GPR132: variants seen among roughly 807,000 people sequenced by gnomAD.
GPR132 encodes the protein probable G protein-coupled receptor 132.
Under a neutral mutation model 1.9 loss-of-function variants are expected in GPR132, and 4 were observed. That is an observed-to-expected ratio of 2.13 (90% CI 1.05 to 4.87). The LOEUF is 4.87. Ranked by LOEUF, GPR132 falls within the 30% of genes most tolerant of loss-of-function variation. The probability of loss-of-function intolerance (pLI) is 0.01; values close to 1 mark genes in which losing one functional copy is unlikely to be tolerated. For missense variants in GPR132, 404 were observed against 512.5 expected (o/e 0.79, Z 2.04); for synonymous variants, 233 against 234.2 (o/e 0.99, Z 0.05).
chr14:105,058,765 G>A (rs1311362615), intron 1 of GPR132, among the ~76,000 whole-genome samples: 2 of 152,258 alleles, frequency 1.3e-5, no homozygotes, highest in East Asian at 1.9e-4. Flanking sequence ...GGGCATGCAG[G>A]GGGGTGGCGC....
chr14:105,065,093 C>G (rs1887050559), intron 1 of GPR132, among the ~76,000 whole-genome samples: 1 of 152,116 alleles, frequency 6.6e-6, no homozygotes, highest in South Asian at 2.1e-4. Flanking sequence ...GAAGCCTTTT[C>G]CAGAAGAAAG....
chr14:105,056,072 C>T lies in GPR132; in HGVS notation c.-652G>A. On this transcript the variant is annotated 5_prime_UTR_variant, in exon 3 of 4. Coordinates refer to ENST00000329797, the MANE Select transcript of GPR132 (RefSeq NM_013345.4). The surrounding 1 kb of genome is among the most constrained non-coding windows in gnomAD (Gnocchi z 6.0). ...ACGGTGGTGGCGCTGGCCCACCTTC[C>T]CCCGGCGGTGTGCAGGGCTCCGGTC... 2.2e-6 allele frequency: 2 copies of T among 912,742 alleles called. No homozygotes were observed. The highest frequency in any genetic ancestry group is 2.6e-6 in the Non-Finnish European group (2 of 763,134). The allele number at this position is 912,742 out of a possible 1,614,324, so 56.5% of individuals were successfully genotyped here.
chr14:105,057,526 T>G (rs1448622262), intron 1 of GPR132: 1 of 223,724 alleles, frequency 4.5e-6, no homozygotes, highest in Non-Finnish European at 8.6e-6. Flanking sequence ...TTTTTTTTTT[T>G]TTTTTTTTTC....
In GPR132 at chr14:105,055,431, C is replaced by T. The variant is rs1257417494; in HGVS notation, c.-11G>A. 12 of 780,608 alleles carry T rather than the reference C, an allele frequency of 1.5e-5. No individual in the cohort carries two copies. Among genetic ancestry groups the T allele is most frequent in the East Asian group, 2.4e-5 (1 of 41,256 alleles). 48.4% of individuals were successfully genotyped at this position (780,608 alleles called of 1,614,324 possible). A position where few individuals can be genotyped will look rare whatever the true frequency, so the allele number is the denominator to read the frequency against. ...TAGCATTGGGCACATTCACATTCTT[C>T]TGCAACCATCGCCAGCATCCGTCGG... On this transcript the variant is annotated 5_prime_UTR_variant, in exon 3 of 4. Coordinates refer to ENST00000329797, the MANE Select transcript of GPR132 (RefSeq NM_013345.4). This position sits in a 1 kb window ranked among gnomAD's most constrained non-coding sequence, Gnocchi z 4.7.
chr14:105,061,616 CG>C (rs1886945094), intron 1 of GPR132, among the ~76,000 whole-genome samples: 1 of 152,074 alleles, frequency 6.6e-6, no homozygotes, highest in Admixed American at 6.5e-5. Flanking sequence ...TGCTCTTCCT[CG>C]GGGAGGGTGC....
rs952311641 is a variant in GPR132, at chr14:105,055,441, C to T, written c.-21G>A. ...CACATTCACATTCTTCTGCAACCAT[C>T]GCCAGCATCCGTCGGCAGAACCTTC... On this transcript the variant is annotated 5_prime_UTR_variant, in exon 3 of 4. Transcript: ENST00000329797. The surrounding 1 kb of genome is among the most constrained non-coding windows in gnomAD (Gnocchi z 4.7). 7 of 780,368 alleles carry T rather than the reference C, an allele frequency of 9.0e-6. No individual in the cohort carries two copies. Among genetic ancestry groups the T allele is most frequent in the Non-Finnish European group, 1.7e-5 (7 of 417,592 alleles). 48.3% of individuals were successfully genotyped at this position (780,368 alleles called of 1,614,324 possible). A position where few individuals can be genotyped will look rare whatever the true frequency, so the allele number is the denominator to read the frequency against.
At position 105,051,301 on chromosome 14, in the gene GPR132, A is replaced by G; in HGVS notation, c.836T>C (p.Met279Thr). 2 of 1,614,038 alleles carry G rather than the reference A, an allele frequency of 1.2e-6. No individual in the cohort carries two copies. The change falls in exon 4 of 4, where the codon ATG becomes ACG. Residue 279 changes from methionine to threonine, a missense_variant. Coordinates refer to ENST00000329797, the MANE Select transcript of GPR132 (RefSeq NM_013345.4). The surrounding 1 kb of genome is among the most constrained non-coding windows in gnomAD (Gnocchi z 8.0). ...FSYYRGDRNA[M>T]CGLEERLYTA... ...GTACAGCCTTTCCTCCAAGCCGCAC[A>G]TGGCGTTCCTGTCTCCTCTGTAGTA...
chr14:105,061,056 C>A (rs942310503), intron 1 of GPR132, among the ~76,000 whole-genome samples: 33 of 152,390 alleles, frequency 2.2e-4, no homozygotes, highest in Middle Eastern at 3.4e-3. Context: ...ACGTGCCTGA[C>A]CTTTGGGCAC....
intron 3 of GPR132, 120 bp from the exon 4 acceptor site, chr14:105,052,222 T>G (rs2140927389): frequency 1.4e-6 from 1 of 735,606 alleles, no homozygotes; most frequent in African/African-American, 1.7e-5. Flanking sequence ...CGCAGGTGTT[T>G]AAAACATTTC....
intron 3 of GPR132, chr14:105,054,465 G>A (rs1366237988): frequency 1.1e-5 from 10 of 928,660 alleles, no homozygotes; most frequent in African/African-American, 3.8e-5. Context: ...AAAAAACTGT[G>A]TTGATGCCCA....
chr14:105,062,184 A>C (rs957688846), intron 1 of GPR132, among the ~76,000 whole-genome samples: 1 of 152,086 alleles, frequency 6.6e-6, no homozygotes, highest in African/African-American at 2.4e-5. Context: ...ACCCCCGTCC[A>C]CCCATCCCTG....
intron 1 of GPR132, among the ~76,000 whole-genome samples, chr14:105,062,425 C>A (rs1230610234): frequency 6.6e-6 from 1 of 152,212 alleles, no homozygotes; most frequent in African/African-American, 2.4e-5. Flanking sequence ...GTGTCAGCTC[C>A]GAGGCTGCTC....
At chr14:105,052,324 T>C (rs1403584160) in intron 3 of GPR132, among the ~76,000 whole-genome samples, 7 of 152,116 alleles carry the variant, frequency 4.6e-5, no homozygotes, top group Admixed American at 4.6e-4. Context: ...TACTGAATCA[T>C]TTTTCTTTTT....
intron 1 of GPR132, among the ~76,000 whole-genome samples, chr14:105,064,955 C>T (rs1448135531): frequency 6.6e-6 from 1 of 152,130 alleles, no homozygotes; most frequent in Non-Finnish European, 1.5e-5. Context: ...ACAAGCAGCA[C>T]AGGCCCCACA....
At position 105,060,254 on chromosome 14, in the gene GPR132, G is replaced by A. The variant is rs1886905644; in HGVS notation, c.-860-2974C>T. On this transcript the variant is annotated intron_variant, in intron 1 of 3. Transcript: ENST00000329797. The surrounding 1 kb of genome is among the most constrained non-coding windows in gnomAD (Gnocchi z 6.3). ...CTCCAAGGCCCAGCAAGAGATGCAG[G>A]GCTCTCTGGCCATGCCCAAAACAGA... Among the ~76,000 whole-genome samples, 1 of 152,232 alleles carries A rather than the reference G, an allele frequency of 6.6e-6. No homozygotes were observed. The highest frequency in any genetic ancestry group is 1.9e-4 in the East Asian group (1 of 5,188).
At position 105,051,431 on chromosome 14, in the gene GPR132, G is replaced by A. The variant is rs1348019154; in HGVS notation, c.706C>T (p.Gln236Ter). Residue 236 changes from glutamine (Q) to a stop codon, truncating the protein, a stop_gained, in exon 4 of 4, where the codon CAG becomes TAG. Transcript: ENST00000329797. LOFTEE classifies it low-confidence loss of function (END_TRUNC). This position sits in a 1 kb window ranked among gnomAD's most constrained non-coding sequence, Gnocchi z 8.0. The stretch of plus-strand genomic sequence containing the variant: ...GCCGAGTGCTTCACCTTGGCCTTCT[G>A]GGCAGCGCTTAAGCCCATGCTCTGC... The part of the protein sequence containing the change: ...IKQSMGLSAA[Q>*]KAKVKHSAIA... 6.2e-7 allele frequency: 1 copy of A among 1,614,132 alleles called. No homozygotes were observed. Among genetic ancestry groups the A allele is most frequent in the Non-Finnish European group, 8.5e-7 (1 of 1,180,028 alleles).
rs1022496704 is a variant in GPR132, at chr14:105,060,108, T to C, written c.-860-2828A>G. On this transcript the variant is annotated intron_variant, in intron 1 of 3. Coordinates refer to ENST00000329797, the MANE Select transcript of GPR132 (RefSeq NM_013345.4). This position sits in a 1 kb window ranked among gnomAD's most constrained non-coding sequence, Gnocchi z 6.3. Reference sequence around the variant, plus strand: ...CTCGGGCCAGCCCCCTGAGTGGAGATGGTGGGGCAGCGCTGAGGGTCTTCA... The same window carrying C: ...CTCGGGCCAGCCCCCTGAGTGGAGACGGTGGGGCAGCGCTGAGGGTCTTCA... 1.3e-5 allele frequency among the ~76,000 whole-genome samples: 2 copies of C among 152,192 alleles called. No homozygotes were observed. Among genetic ancestry groups the C allele is most frequent in the Non-Finnish European group, 2.9e-5 (2 of 68,026 alleles).
chr14:105,053,498 T>C (rs1465389575), intron 3 of GPR132, among the ~76,000 whole-genome samples: 1 of 152,196 alleles, frequency 6.6e-6, no homozygotes, highest in African/African-American at 2.4e-5. Flanking sequence ...GTGTGAACTA[T>C]CAATTACTAA....
Position 105,049,488 on chromosome 14 carries a change from C to T in GPR132, c.*1506G>A, listed in dbSNP as rs1886573045. 6.6e-6 allele frequency: 1 copy of T among 152,058 alleles called. No individual in the cohort carries two copies. The highest frequency in any genetic ancestry group is 1.5e-5 in the Non-Finnish European group (1 of 68,020). 9.4% of individuals were successfully genotyped at this position (152,058 alleles called of 1,614,324 possible). ...ATGTTGCCGAGGCTGGTCTCAAACT[C>T]CTGACCTCAACTGATCCTCCCGTCT... On this transcript the variant is annotated 3_prime_UTR_variant, in exon 4 of 4. Transcript: ENST00000329797.
Sources: allele counts gnomAD v4.1 joint callset (sites outside exome capture counted in the v4.1 genomes callset), GRCh38; gene constraint gnomAD v4.1.1; non-coding constraint Gnocchi (gnomAD v3.1); transcripts MANE v1.5; gene names NCBI Gene and HGNC (gene_info 2026-07-23, HGNC 2026-07-21).